Variants in PLA2G4A observed in about 807,000 individuals in gnomAD.
The protein encoded by PLA2G4A is cytosolic phospholipase A2.
PLA2G4A carries 40 observed loss-of-function variants against 81.9 expected under a neutral mutation model. The observed-to-expected ratio is 0.49, with a 90% CI of 0.38 to 0.64. The LOEUF is 0.64. Among genes scored for constraint, PLA2G4A ranks in the 30% least tolerant of loss-of-function variants. The pLI is 0.00. For synonymous variants in PLA2G4A, 302 were observed against 296.9 expected (o/e 1.02, Z -0.18); for missense variants, 715 against 905.1 (o/e 0.79, Z 2.69).
intron 17 of PLA2G4A, among the ~76,000 whole-genome samples, chr1:186,982,849 C>T (rs968658195): frequency 5.3e-5 from 8 of 152,102 alleles, no homozygotes; most frequent in Admixed American, 3.3e-4. Flanking sequence ...GAGGCTGAGG[C>T]GGGCAGATCA....
chr1:186,934,187 G>A (rs1655849412), intron 8 of PLA2G4A, among the ~76,000 whole-genome samples: 4 of 151,974 alleles, frequency 2.6e-5, no homozygotes, highest in African/African-American at 4.8e-5. Flanking sequence ...TTTGAGTGGT[G>A]TTCTTTCTTT....
intron 17 of PLA2G4A, among the ~76,000 whole-genome samples, chr1:186,981,280 T>G (rs1398230155): frequency 6.6e-6 from 1 of 152,208 alleles, no homozygotes; most frequent in Non-Finnish European, 1.5e-5. Context: ...GGAGTAGATA[T>G]ACATATGTGT....
At chr1:186,920,086 A>T (rs1183211936) in intron 7 of PLA2G4A, among the ~76,000 whole-genome samples, 2 of 152,054 alleles carry the variant, frequency 1.3e-5, no homozygotes, top group African/African-American at 4.8e-5. Flanking sequence ...ATTTGCCCAT[A>T]CTTGGGCCAT....
chr1:186,939,926 T>A, intron 9 of PLA2G4A, 54 bp from the exon 10 acceptor site: 1 of 838,878 alleles, frequency 1.2e-6, no homozygotes, highest in Non-Finnish European at 2.1e-6. Flanking sequence ...AATAGCATTC[T>A]TTCTGTGTCT....
chr1:186,934,003 A>G (rs1348400627), intron 8 of PLA2G4A, among the ~76,000 whole-genome samples: 1 of 152,090 alleles, frequency 6.6e-6, no homozygotes, highest in Non-Finnish European at 1.5e-5. Flanking sequence ...CATCATTGCC[A>G]TCTTCTCTAT....
chr1:186,933,473 G>A (rs1232196881), intron 8 of PLA2G4A, among the ~76,000 whole-genome samples: 1 of 152,040 alleles, frequency 6.6e-6, no homozygotes, highest in Non-Finnish European at 1.5e-5. Flanking sequence ...TATAATACTT[G>A]TACCCTGTAG....
chr1:186,942,102 G>T (rs1656174379), intron 10 of PLA2G4A, among the ~76,000 whole-genome samples: 1 of 152,168 alleles, frequency 6.6e-6, no homozygotes, highest in South Asian at 2.1e-4. Flanking sequence ...GATTGTGGAA[G>T]GGGGCATGTA....
chr1:186,936,552 T>C (rs1416337963), intron 8 of PLA2G4A, among the ~76,000 whole-genome samples: 1 of 151,998 alleles, frequency 6.6e-6, no homozygotes, highest in African/African-American at 2.4e-5. Context: ...CTCAAGTCAT[T>C]CCAAATCTTA....
intron 15 of PLA2G4A, among the ~76,000 whole-genome samples, chr1:186,974,880 C>T (rs1221783304): frequency 6.6e-6 from 1 of 152,182 alleles, no homozygotes; most frequent in East Asian, 1.9e-4. Context: ...TGTTTTTAAT[C>T]TTTTCCACAT....
At chr1:186,944,155 T>C (rs1297198530) in intron 10 of PLA2G4A, among the ~76,000 whole-genome samples, 1 of 152,094 alleles carries the variant, frequency 6.6e-6, no homozygotes, top group African/African-American at 2.4e-5. Context: ...TGAGTTCTTA[T>C]CTAGGTAAGT....
chr1:186,945,140 A>T (rs113882852), intron 10 of PLA2G4A, among the ~76,000 whole-genome samples: 1,769 of 152,252 alleles, frequency 0.012, 40 homozygotes, highest in African/African-American at 0.04. Context: ...AAAGACCCTA[A>T]AATAAAGATT....
intron 15 of PLA2G4A, among the ~76,000 whole-genome samples, chr1:186,966,163 A>G (rs1657123194): frequency 6.7e-6 from 1 of 149,316 alleles, no homozygotes; most frequent in Admixed American, 6.7e-5. Context: ...TAGATTGTTC[A>G]GGGAAGGAGA....
intron 2 of PLA2G4A, among the ~76,000 whole-genome samples, chr1:186,868,050 G>A (rs1325990861): frequency 2.0e-5 from 3 of 147,504 alleles, no homozygotes; most frequent in East Asian, 3.9e-4. Context: ...CATAAACCCC[G>A]CTTGGTCACG....
At chr1:186,934,737 G>A (rs577583073) in intron 8 of PLA2G4A, among the ~76,000 whole-genome samples, 5 of 151,832 alleles carry the variant, frequency 3.3e-5, no homozygotes, top group African/African-American at 9.6e-5. Flanking sequence ...TGTGGTGTAG[G>A]GGAGGGAGGG....
rs149933261 is a variant in PLA2G4A, at chr1:186,963,526, C to G, written c.1580-1883C>G. 3.9e-5 allele frequency among the ~76,000 whole-genome samples: 6 copies of G among 152,282 alleles called. No individual in the cohort carries two copies. In the East Asian group the frequency reaches 9.6e-4, roughly 24 times the overall value. ...GACACAGCCAGCCTTTATTATTTAG[C>G]CATATTACCTTATCGTTGTCTTTAA... On this transcript the variant is annotated intron_variant, in intron 14 of 17. Coordinates refer to ENST00000367466, the MANE Select transcript of PLA2G4A (RefSeq NM_024420.3).
intron 3 of PLA2G4A, among the ~76,000 whole-genome samples, chr1:186,872,594 C>T (rs1653318682): frequency 6.6e-6 from 1 of 151,996 alleles, no homozygotes; most frequent in Non-Finnish European, 1.5e-5. Context: ...AGTCCAACAG[C>T]AGTTCAAACT....
chr1:186,849,121 C>G (rs950056410), intron 1 of PLA2G4A, among the ~76,000 whole-genome samples: 5 of 152,014 alleles, frequency 3.3e-5, no homozygotes, highest in African/African-American at 1.2e-4. Context: ...GAAAGAGAGA[C>G]ATCAAAAGAG....
intron 3 of PLA2G4A, among the ~76,000 whole-genome samples, chr1:186,881,955 A>G (rs1203487391): frequency 6.6e-6 from 1 of 152,088 alleles, no homozygotes; most frequent in African/African-American, 2.4e-5. Flanking sequence ...GCTCACTGCT[A>G]TCATGGAGTT....
intron 5 of PLA2G4A, among the ~76,000 whole-genome samples, chr1:186,897,987 C>T (rs956734788): frequency 3.3e-5 from 5 of 152,106 alleles, no homozygotes; most frequent in African/African-American, 1.2e-4. Context: ...TTGGAGTCTC[C>T]AGTGTCTATT....
Sources: gnomAD v4.1 joint callset for allele counts (sites outside exome capture counted in the v4.1 genomes callset) on GRCh38, gnomAD v4.1.1 for gene constraint, MANE v1.5 for transcripts, NCBI Gene and HGNC (gene_info 2026-07-23, HGNC 2026-07-21) for gene names.